TSNARE1: variants seen among roughly 807,000 people sequenced by gnomAD.
TSNARE1 encodes t-SNARE domain containing 1.
In TSNARE1, 49 loss-of-function variants were observed where a neutral mutation model predicts 62.0. The observed-to-expected ratio is 0.79, with a 90% CI of 0.63 to 1.00. The LOEUF is 1.00. Ranked by LOEUF, TSNARE1 falls within the 50% of genes least tolerant of loss-of-function variation. The probability of loss-of-function intolerance (pLI) is 0.00; values close to 1 mark genes in which losing one functional copy is unlikely to be tolerated. For missense variants in TSNARE1, 755 were observed against 700.1 expected, an observed-to-expected ratio of 1.08 and a Z score of -0.88; for synonymous variants, 328 against 294.4, an observed-to-expected ratio of 1.11 and a Z score of -1.17.
At chr8:142,222,479 C>T (rs1340278474) in intron 13 of TSNARE1, among the ~76,000 whole-genome samples, 12 of 137,132 alleles carry the variant, frequency 8.8e-5, no homozygotes, top group African/African-American at 1.3e-4. Context: ...CATCCACTCA[C>T]TCACTCACTC....
At chr8:142,303,772 CCA>C (rs2131376390) in intron 9 of TSNARE1, among the ~76,000 whole-genome samples, 1 of 152,364 alleles carries the variant, frequency 6.6e-6, no homozygotes, top group African/African-American at 2.4e-5. Context: ...TCACTAGTCC[CCA>C]CAGTCTGCCG....
At chr8:142,368,359 A>G (rs1835699042) in intron 1 of TSNARE1, among the ~76,000 whole-genome samples, 2 of 152,232 alleles carry the variant, frequency 1.3e-5, no homozygotes, top group South Asian at 4.1e-4. Context: ...AAGCTGACTC[A>G]TAACTAGAGA....
At chr8:142,311,878 C>G (rs1827678206) in intron 9 of TSNARE1, among the ~76,000 whole-genome samples, 1 of 152,062 alleles carries the variant, frequency 6.6e-6, no homozygotes, top group African/African-American at 2.4e-5. Context: ...CCACTAAATT[C>G]TTAATTTTAA....
chr8:142,313,601 GTGTT>G (rs1828016846), intron 9 of TSNARE1, among the ~76,000 whole-genome samples: 1 of 151,906 alleles, frequency 6.6e-6, no homozygotes, highest in Non-Finnish European at 1.5e-5. Flanking sequence ...GTCTCTATGT[GTGTT>G]TATCTGTATG....
intron 11 of TSNARE1, among the ~76,000 whole-genome samples, chr8:142,282,177 C>A (rs1351748470): frequency 6.6e-6 from 1 of 152,232 alleles, no homozygotes; most frequent in African/African-American, 2.4e-5. Context: ...ACACCATGCC[C>A]TGGCCAGGCC....
At chr8:142,221,948 C>T (rs1365209429) in intron 13 of TSNARE1, among the ~76,000 whole-genome samples, 1 of 150,350 alleles carries the variant, frequency 6.7e-6, no homozygotes, top group Non-Finnish European at 1.5e-5. Context: ...CACTCACTCA[C>T]TCATCCACTC....
At chr8:142,345,568 C>T (rs1288988492) in intron 3 of TSNARE1, among the ~76,000 whole-genome samples, 175 bp downstream of exon 3, 1 of 152,216 alleles carries the variant, frequency 6.6e-6, no homozygotes, top group African/African-American at 2.4e-5. Context: ...GGGCCGGCTG[C>T]ACCCTTGACC....
intron 11 of TSNARE1, chr8:142,279,728 T>G: frequency 3.3e-6 from 1 of 302,876 alleles, no homozygotes; most frequent in Non-Finnish European, 4.8e-6. Context: ...GCCATCTCCA[T>G]GGGCCTCTGG....
intron 7 of TSNARE1, 99 bp downstream of exon 7, chr8:142,318,445 G>T: frequency 8.3e-7 from 1 of 1,209,286 alleles, no homozygotes; most frequent in East Asian, 2.3e-5. Flanking sequence ...ACACACGTCA[G>T]CCTCCCTGTA....
At chr8:142,320,175 C>G (rs1829268996) in intron 6 of TSNARE1, among the ~76,000 whole-genome samples, 1 of 152,212 alleles carries the variant, frequency 6.6e-6, no homozygotes, top group South Asian at 2.1e-4. Flanking sequence ...ATTCTGTGCA[C>G]AGCAGGCCTG....
chr8:142,263,430 G>T (rs562780350), intron 12 of TSNARE1, among the ~76,000 whole-genome samples: 1 of 152,340 alleles, frequency 6.6e-6, no homozygotes, highest in Admixed American at 6.5e-5. Flanking sequence ...GTTGCAGTTT[G>T]CTAGTGTTTT....
intron 12 of TSNARE1, among the ~76,000 whole-genome samples, chr8:142,233,921 A>G (rs531065427): frequency 3.3e-5 from 5 of 152,086 alleles, no homozygotes; most frequent in Non-Finnish European, 5.9e-5. Flanking sequence ...CCTGCACAGA[A>G]TCGACCACTG....
chr8:142,365,968 A>G, intron 1 of TSNARE1: 1 of 443,740 alleles, frequency 2.3e-6, no homozygotes, highest in Non-Finnish European at 4.5e-6. Flanking sequence ...ATGGTTTTGT[A>G]GAGGAATTTG....
At chr8:142,247,450 T>C (rs1363445576) in intron 12 of TSNARE1, 1 of 152,216 alleles carries the variant, frequency 6.6e-6, no homozygotes, top group Non-Finnish European at 1.5e-5. Context: ...AAAGTAGAAA[T>C]GTCTGTCCTA....
At chr8:142,313,655 GTC>G (rs1417470446) in intron 9 of TSNARE1, among the ~76,000 whole-genome samples, 3 of 151,938 alleles carry the variant, frequency 2.0e-5, no homozygotes, top group African/African-American at 7.3e-5. Context: ...GTCTCTGCAA[GTC>G]TCTGTGTGTC....
chr8:142,236,011 C>T (rs1279946573), intron 12 of TSNARE1, among the ~76,000 whole-genome samples: 6 of 152,160 alleles, frequency 3.9e-5, no homozygotes, highest in Non-Finnish European at 8.8e-5. Flanking sequence ...TCCCAATTAG[C>T]CCCAGGCTGT....
intron 10 of TSNARE1, among the ~76,000 whole-genome samples, chr8:142,288,649 T>A (rs1478038863): frequency 1.3e-5 from 2 of 152,214 alleles, no homozygotes; most frequent in East Asian, 1.9e-4. Context: ...ACCAGCAACA[T>A]GTCAGGCCCG....
chr8:142,299,716 G>A (rs143931614), intron 10 of TSNARE1, among the ~76,000 whole-genome samples: 144 of 151,892 alleles, frequency 9.5e-4, no homozygotes, highest in African/African-American at 3.2e-3. Context: ...ACTCACGCAC[G>A]CACTCACATG....
intron 12 of TSNARE1, among the ~76,000 whole-genome samples, chr8:142,260,913 A>C (rs564925705): frequency 2.6e-5 from 2 of 76,378 alleles, no homozygotes; most frequent in South Asian, 1.0e-3. Context: ...ATAAGCACAT[A>C]TCTGAGACCT....
Sources: gnomAD v4.1 joint callset for allele counts (sites outside exome capture counted in the v4.1 genomes callset) on GRCh38, gnomAD v4.1.1 for gene constraint, MANE v1.5 for transcripts, NCBI Gene and HGNC (gene_info 2026-07-23, HGNC 2026-07-21) for gene names.